Variants in SPOP observed in about 807,000 individuals in gnomAD.
SPOP encodes speckle-type POZ protein.
SPOP carries 11 observed loss-of-function variants against 45.6 expected under a neutral mutation model. That is an observed-to-expected ratio of 0.24 (90% CI 0.15 to 0.40). SPOP has a LOEUF of 0.40. Ranked by LOEUF, SPOP falls within the 10% of genes least tolerant of loss-of-function variation. The pLI, the probability that SPOP is intolerant of heterozygous loss-of-function variation, is 1.00. For synonymous variants in SPOP, 166 were observed against 166.3 expected, an observed-to-expected ratio of 1.00 and a Z score of 0.01; for missense variants, 152 against 465.6, an observed-to-expected ratio of 0.33 and a Z score of 6.20.
chr17:49,619,020 G>A lies in SPOP; in HGVS notation c.441C>T (p.Asn147=), dbSNP rs767050824. ...IRRDFLLDEA[N]GLLPDDKLTL... is the part of the protein sequence containing the mutation. Reference sequence around the variant, plus strand: ...TAAGCTTGTCATCAGGGAGAAGCCCGTTGGCCTCATCCAAAAGAAAATCTC... The same window carrying A: ...TAAGCTTGTCATCAGGGAGAAGCCCATTGGCCTCATCCAAAAGAAAATCTC... The change falls in exon 5 of 10, where the codon AAC becomes AAT. Residue 147 remains asparagine (N), a synonymous_variant. Coordinates refer to ENST00000504102, the MANE Select transcript of SPOP (RefSeq NM_001007228.2). This position sits in a 1 kb window ranked among gnomAD's most constrained non-coding sequence, Gnocchi z 4.9. 1.7e-5 allele frequency: 28 copies of A among 1,613,928 alleles called. No individual in the cohort carries two copies. Among genetic ancestry groups the A allele is most frequent in the Middle Eastern group, 1.6e-4 (1 of 6,084 alleles).
intron 1 of SPOP, among the ~76,000 whole-genome samples, chr17:49,628,372 C>T (rs1235271399): frequency 2.0e-5 from 3 of 152,100 alleles, no homozygotes; most frequent in South Asian, 2.1e-4. Context: ...TAATTTCCAA[C>T]GAAGGTAGTA....
At chr17:49,660,015 T>G (rs904457611) in intron 1 of SPOP, among the ~76,000 whole-genome samples, 1 of 152,190 alleles carries the variant, frequency 6.6e-6, no homozygotes, top group Non-Finnish European at 1.5e-5. Context: ...CTTCTCTCCA[T>G]CTCTTCTGCC....
chr17:49,639,987 C>T (rs534120890), intron 1 of SPOP, among the ~76,000 whole-genome samples: 7 of 152,164 alleles, frequency 4.6e-5, no homozygotes, highest in Admixed American at 6.5e-5. Context: ...TGGTGGCTCA[C>T]GCCTGTAATT....
At chr17:49,601,828 C>A in intron 9 of SPOP, 37 bp downstream of exon 9, 1 of 1,609,552 alleles carries the variant, frequency 6.2e-7, no homozygotes, top group Non-Finnish European at 8.5e-7. Flanking sequence ...AGCTATCCAA[C>A]TATTTTGAAA....
intron 3 of SPOP, chr17:49,620,749 G>C (rs369339046): frequency 6.5e-6 from 1 of 154,118 alleles, no homozygotes; most frequent in Non-Finnish European, 1.5e-5. Flanking sequence ...AAATGCATGG[G>C]TTTCAGGCAC....
At chr17:49,607,849 G>C in intron 7 of SPOP, 25 bp downstream of exon 7, 2 of 1,604,174 alleles carry the variant, frequency 1.2e-6, no homozygotes, top group Non-Finnish European at 1.7e-6. Context: ...TGGCTAAACA[G>C]ACATGTCTTC....
At chr17:49,646,925 C>G (rs551278523) in intron 1 of SPOP, among the ~76,000 whole-genome samples, 1 of 152,196 alleles carries the variant, frequency 6.6e-6, no homozygotes, top group South Asian at 2.1e-4. Flanking sequence ...GGAAAAAATA[C>G]CTGAGAAAGA....
chr17:49,606,371 G>A lies in SPOP; in HGVS notation c.837+879C>T, dbSNP rs184725235. Among the ~76,000 whole-genome samples, 6 of 152,058 alleles carry A rather than the reference G, an allele frequency of 3.9e-5. No individual in the cohort carries two copies. The East Asian group carries it at 1.2e-3, about 29-fold the overall frequency. Reference sequence around the variant, plus strand: ...GATGGAGTCTATGTTGCCCAGGCTGGCCTTGAACTCCTGGGCTCAAGCGAT... The same window carrying A: ...GATGGAGTCTATGTTGCCCAGGCTGACCTTGAACTCCTGGGCTCAAGCGAT... On this transcript the variant is annotated intron_variant, in intron 8 of 9. Transcript: ENST00000504102.
intron 8 of SPOP, among the ~76,000 whole-genome samples, chr17:49,605,121 G>A (rs2071813212): frequency 6.6e-6 from 1 of 152,122 alleles, no homozygotes; most frequent in Non-Finnish European, 1.5e-5. Context: ...ATCATCATAT[G>A]TCTTTGATTC....
At chr17:49,617,048 C>T (rs994974619) in intron 5 of SPOP, among the ~76,000 whole-genome samples, 10 of 152,136 alleles carry the variant, frequency 6.6e-5, no homozygotes, top group Non-Finnish European at 1.5e-4. Flanking sequence ...GCTTCCAAAT[C>T]AAGACTGTGA....
intron 5 of SPOP, chr17:49,612,915 G>A (rs967563052): frequency 6.6e-5 from 10 of 152,124 alleles, no homozygotes; most frequent in African/African-American, 2.2e-4. Flanking sequence ...TAAGCCCAGA[G>A]GCAAAGTTAA....
intron 1 of SPOP, among the ~76,000 whole-genome samples, chr17:49,671,101 C>A (rs1404598343): frequency 6.6e-6 from 1 of 152,088 alleles, no homozygotes; most frequent in Admixed American, 6.6e-5. Flanking sequence ...GGTCAATGCT[C>A]TCTTCAGAGA....
chr17:49,639,471 ACAAT>A lies in SPOP; in HGVS notation c.-66-16599_-66-16596del, dbSNP rs200523880. ...GTTCATTAACAGCCAAAAACTAGAA[ACAAT>A]CAAAGTGTTCATCAACAGAATGAAT... On this transcript the variant is annotated intron_variant, in intron 1 of 9. Coordinates refer to ENST00000504102, the MANE Select transcript of SPOP (RefSeq NM_001007228.2). Among the ~76,000 whole-genome samples the A allele has an allele frequency of 9.3e-3, 1,417 of 152,316 alleles. 22 individuals are homozygous for A. The highest frequency in any genetic ancestry group is 0.033 in the African/African-American group (1,371 of 41,568).
At chr17:49,630,746 C>T (rs1427115814) in intron 1 of SPOP, among the ~76,000 whole-genome samples, 2 of 152,074 alleles carry the variant, frequency 1.3e-5, no homozygotes, top group Admixed American at 6.6e-5. Flanking sequence ...ACCACTGTGC[C>T]CAGCCTGTTT....
At chr17:49,670,230 T>C (rs2073120154) in intron 1 of SPOP, among the ~76,000 whole-genome samples, 1 of 152,212 alleles carries the variant, frequency 6.6e-6, no homozygotes, top group South Asian at 2.1e-4. Context: ...ATGTGTACTT[T>C]AGAATTTCTT....
intron 1 of SPOP, among the ~76,000 whole-genome samples, chr17:49,642,994 A>T (rs1268293466): frequency 6.6e-6 from 1 of 152,266 alleles, no homozygotes; most frequent in African/African-American, 2.4e-5. Context: ...CCAAACCCTA[A>T]GACAAGAACA....
chr17:49,622,100 G>C, intron 2 of SPOP, 33 bp from the exon 3 acceptor site: 1 of 1,607,852 alleles, frequency 6.2e-7, no homozygotes, highest in Non-Finnish European at 8.5e-7. Context: ...CAATTAAATA[G>C]GAAGTGGACA....
chr17:49,606,439 A>G (rs1177887257), intron 8 of SPOP, among the ~76,000 whole-genome samples: 1 of 148,490 alleles, frequency 6.7e-6, no homozygotes, highest in Non-Finnish European at 1.5e-5. Flanking sequence ...TATAGGCTGG[A>G]GGCACTGCAC....
At chr17:49,612,027 C>T (rs918865246) in intron 5 of SPOP, among the ~76,000 whole-genome samples, 1 of 151,900 alleles carries the variant, frequency 6.6e-6, no homozygotes, top group Non-Finnish European at 1.5e-5. Context: ...GGACTACAGG[C>T]GCATGCCACT....
Sources: allele counts gnomAD v4.1 joint callset (sites outside exome capture counted in the v4.1 genomes callset), GRCh38; gene constraint gnomAD v4.1.1; non-coding constraint Gnocchi (gnomAD v3.1); transcripts MANE v1.5; gene names NCBI Gene and HGNC (gene_info 2026-07-23, HGNC 2026-07-21).